Variants in FARS2 observed in about 807,000 individuals in gnomAD.
FARS2 encodes the protein phenylalanyl-tRNA synthetase 2, mitochondrial, also known as phenylalanine--tRNA ligase, mitochondrial.
FARS2 carries 40 observed loss-of-function variants against 46.4 expected under a neutral mutation model. The observed-to-expected ratio is 0.86, with a 90% CI of 0.67 to 1.12. The LOEUF is 1.12. Among genes scored for constraint, FARS2 ranks in the 50% most tolerant of loss-of-function variants. FARS2 has a pLI of 0.00. For missense variants in FARS2, 513 were observed against 567.9 expected, an observed-to-expected ratio of 0.90 and a Z score of 0.98; for synonymous variants, 234 against 214.9, an observed-to-expected ratio of 1.09 and a Z score of -0.78.
chr6:5,509,150 T>C (rs983333245), intron 4 of FARS2, among the ~76,000 whole-genome samples: 8 of 152,190 alleles, frequency 5.3e-5, no homozygotes, highest in African/African-American at 1.4e-4. Flanking sequence ...CCTTAGAGAA[T>C]AGACGTAGAC....
intron 4 of FARS2, among the ~76,000 whole-genome samples, chr6:5,529,779 T>C (rs1357238973): frequency 2.0e-5 from 3 of 152,168 alleles, no homozygotes; most frequent in Non-Finnish European, 4.4e-5. Context: ...CTTTGGCCCA[T>C]CAGGGGAGTA....
chr6:5,260,662 G>A (rs1355586777), upstream of FARS2: 13 of 1,541,540 alleles, frequency 8.4e-6, no homozygotes, highest in Non-Finnish European at 1.1e-5. Flanking sequence ...AATTGTAGGC[G>A]CTGAAACGCT....
At chr6:5,297,706 C>T (rs528547329) in intron 1 of FARS2, among the ~76,000 whole-genome samples, 24 of 152,102 alleles carry the variant, frequency 1.6e-4, no homozygotes, top group South Asian at 2.1e-4. Context: ...ACAACAACAA[C>T]GAAACTAAGC....
At chr6:5,328,890 T>C (rs2127575758) in intron 1 of FARS2, among the ~76,000 whole-genome samples, 1 of 152,324 alleles carries the variant, frequency 6.6e-6, no homozygotes, top group Non-Finnish European at 1.5e-5. Context: ...TTGCCCAGTT[T>C]TGTGCCAAAG....
At chr6:5,495,431 C>G (rs191495886) in intron 4 of FARS2, among the ~76,000 whole-genome samples, 4 of 152,266 alleles carry the variant, frequency 2.6e-5, no homozygotes, top group Admixed American at 6.5e-5. Context: ...GATATTTTGC[C>G]AACTGTTTTC....
intron 4 of FARS2, chr6:5,431,666 T>C (rs1763175775): frequency 1.9e-6 from 1 of 533,148 alleles, no homozygotes. Flanking sequence ...TCCCTCTGCA[T>C]AGGCGGCGCC....
chr6:5,557,375 GACA>G (rs1771723940), intron 5 of FARS2, among the ~76,000 whole-genome samples: 1 of 152,116 alleles, frequency 6.6e-6, no homozygotes, highest in South Asian at 2.1e-4. Context: ...TACCTCTTAC[GACA>G]ACGTCTAGAG....
intron 1 of FARS2, among the ~76,000 whole-genome samples, chr6:5,288,289 T>C (rs182567633): frequency 6.4e-4 from 98 of 152,338 alleles, no homozygotes; most frequent in African/African-American, 2.3e-3. Flanking sequence ...TTCTTCTTCT[T>C]TTTTAACCTC....
At chr6:5,530,888 T>C (rs1769785413) in intron 4 of FARS2, among the ~76,000 whole-genome samples, 1 of 147,466 alleles carries the variant, frequency 6.8e-6, no homozygotes. Flanking sequence ...GGATATATAG[T>C]TACAATCTAT....
chr6:5,631,786 T>C (rs947578645), intron 6 of FARS2, among the ~76,000 whole-genome samples: 1 of 152,268 alleles, frequency 6.6e-6, no homozygotes, highest in African/African-American at 2.4e-5. Flanking sequence ...TTAAGTTTCA[T>C]GCTTCTTGCA....
At chr6:5,696,405 A>G (rs759166834) in intron 6 of FARS2, among the ~76,000 whole-genome samples, 3 of 152,086 alleles carry the variant, frequency 2.0e-5, no homozygotes, top group Non-Finnish European at 4.4e-5. Context: ...GATTTTTTTT[A>G]TAGGGCATGG....
chr6:5,660,352 G>A (rs765007918), intron 6 of FARS2, among the ~76,000 whole-genome samples: 2 of 152,128 alleles, frequency 1.3e-5, no homozygotes, highest in African/African-American at 2.4e-5. Flanking sequence ...TGCTTTAAGA[G>A]CAGTGAGCAG....
chr6:5,691,228 G>A (rs1452639008), intron 6 of FARS2, among the ~76,000 whole-genome samples: 6 of 152,186 alleles, frequency 3.9e-5, no homozygotes, highest in Non-Finnish European at 1.5e-5. Flanking sequence ...TCCATTGCTG[G>A]TGAGGAGCTG....
intron 1 of FARS2, among the ~76,000 whole-genome samples, chr6:5,295,954 G>T (rs1767827920): frequency 6.6e-6 from 1 of 152,040 alleles, no homozygotes; most frequent in South Asian, 2.1e-4. Context: ...AAGGTGGGAA[G>T]GTAAGATAGC....
intron 6 of FARS2, among the ~76,000 whole-genome samples, chr6:5,678,976 G>T (rs1255766270): frequency 6.6e-6 from 1 of 152,176 alleles, no homozygotes; most frequent in African/African-American, 2.4e-5. Flanking sequence ...GAATTAGGCT[G>T]CAGTCTTGTC....
chr6:5,406,752 C>T (rs1177227200), intron 3 of FARS2, among the ~76,000 whole-genome samples: 1 of 151,014 alleles, frequency 6.6e-6, no homozygotes, highest in Non-Finnish European at 1.5e-5. Flanking sequence ...CTTTCTGGGT[C>T]GTACGTTTTC....
chr6:5,563,269 G>A (rs1772118161), intron 5 of FARS2, among the ~76,000 whole-genome samples: 2 of 152,154 alleles, frequency 1.3e-5, no homozygotes, highest in Admixed American at 1.3e-4. Context: ...CTTTCAATAT[G>A]CAAATGCAGG....
intron 6 of FARS2, among the ~76,000 whole-genome samples, chr6:5,672,051 G>A (rs925187084): frequency 6.6e-6 from 1 of 152,210 alleles, no homozygotes; most frequent in Non-Finnish European, 1.5e-5. Flanking sequence ...AGAGAAGGTA[G>A]CAGTTGGAAA....
At chr6:5,762,076 T>C (rs371520020) in intron 6 of FARS2, among the ~76,000 whole-genome samples, 13 of 152,206 alleles carry the variant, frequency 8.5e-5, no homozygotes, top group African/African-American at 3.1e-4. Context: ...GCATGTATCA[T>C]ATCAGTGATC....
Sources: allele counts gnomAD v4.1 joint callset (sites outside exome capture counted in the v4.1 genomes callset), GRCh38; gene constraint gnomAD v4.1.1; transcripts MANE v1.5; gene names NCBI Gene and HGNC (gene_info 2026-07-23, HGNC 2026-07-21).